ADGRE2: variants seen among roughly 807,000 people sequenced by gnomAD.
The protein encoded by ADGRE2 is adhesion G protein-coupled receptor E2, also known as CD97 antigen.
ADGRE2 carries 83 observed loss-of-function variants against 100.8 expected under a neutral mutation model. That is an observed-to-expected ratio of 0.82 (90% confidence interval 0.69 to 0.99). The LOEUF is 0.99. Among genes scored for constraint, ADGRE2 ranks in the 50% least tolerant of loss-of-function variants. The pLI, the probability that ADGRE2 is intolerant of heterozygous loss-of-function variation, is 0.00. For missense variants in ADGRE2, 814 were observed against 1,035.7 expected (o/e 0.79, Z 2.94); for synonymous variants, 355 against 413.0 (o/e 0.86, Z 1.70).
chr19:14,739,416 C>T (rs565801867), intron 20 of ADGRE2, among the ~76,000 whole-genome samples: 27 of 152,164 alleles, frequency 1.8e-4, no homozygotes, highest in African/African-American at 6.5e-4. Flanking sequence ...ATTTCAGAAG[C>T]CTTTGTTGGC....
intron 5 of ADGRE2, 141 bp downstream of exon 5, chr19:14,772,201 G>T: frequency 8.1e-7 from 1 of 1,236,752 alleles, no homozygotes; most frequent in Non-Finnish European, 1.2e-6. Flanking sequence ...TGGCGAAACA[G>T]GTACATGCAC....
In ADGRE2 at chr19:14,766,215, G is replaced by A. The variant is rs760184313; in HGVS notation, c.634+20C>T. The stretch of plus-strand genomic sequence containing the variant: ...CAGATGTTTGTGGGTCTCTGGGAAC[G>A]TGGGATCTGAGCTCTCGACCTTCAC... On this transcript the variant is annotated intron_variant, in intron 7 of 20. Transcript: ENST00000315576. The A allele has an allele frequency of 4.9e-5, 79 of 1,613,966 alleles. No individual in the cohort carries two copies. Among genetic ancestry groups the A allele is most frequent in the Non-Finnish European group, 5.8e-5 (68 of 1,180,004 alleles).
intron 16 of ADGRE2, among the ~76,000 whole-genome samples, chr19:14,750,356 A>T (rs1176926284): frequency 6.6e-6 from 1 of 151,616 alleles, no homozygotes; most frequent in Non-Finnish European, 1.5e-5. Context: ...ATTTGACAAA[A>T]TCAAACACTC....
chr19:14,761,417 A>AACG lies in ADGRE2; in HGVS notation c.1084+3015_1084+3016insCGT, dbSNP rs199636706. Among the ~76,000 whole-genome samples the AACG allele has an allele frequency of 8.8e-3, 1,331 of 150,752 alleles. 23 individuals carry two copies. The highest frequency in any genetic ancestry group is 0.032 in the African/African-American group (1,279 of 40,202). ...CAAGACTCTGTCTCCAACAGAAGAC[A>AACG]ACAACAACAACAATCACAACAAGCT... On this transcript the variant is annotated intron_variant, in intron 11 of 20. Coordinates refer to ENST00000315576, the MANE Select transcript of ADGRE2 (RefSeq NM_013447.4).
chr19:14,755,149 G>A (rs1267174705), intron 13 of ADGRE2, 22 bp from the exon 14 acceptor site: 17 of 1,608,440 alleles, frequency 1.1e-5, no homozygotes, highest in East Asian at 2.2e-5. Context: ...GAACACAGGT[G>A]TGGGCTGGGC....
rs114542154 is a variant in ADGRE2 at position 14,753,177 on chromosome 19, A to G, written c.1591-651T>C. Among the ~76,000 whole-genome samples the G allele has an allele frequency of 3.7e-3, 568 of 151,998 alleles. 5 individuals carry two copies. The highest frequency in any genetic ancestry group is 0.013 in the African/African-American group (543 of 41,446). ...CCCGTTTCAGCCTCCCAAAGCACAG[A>G]GATTCCAGGTGTGGGCCCGTTAGGT... is the stretch of plus-strand genomic sequence containing the variant. On this transcript the variant is annotated intron_variant, in intron 14 of 20. Coordinates refer to ENST00000315576, the MANE Select transcript of ADGRE2 (RefSeq NM_013447.4).
At chr19:14,725,193 A>G in the ADGRE2 span, among the ~76,000 whole-genome samples, 10 of 152,238 alleles carry the variant, frequency 6.6e-5, no homozygotes, top group East Asian at 1.9e-3. Flanking sequence ...TTAAACAACC[A>G]GATCTCGCAT....
chr19:14,759,833 T>A (rs1367363738), intron 11 of ADGRE2, among the ~76,000 whole-genome samples: 7 of 145,936 alleles, frequency 4.8e-5, no homozygotes, highest in Non-Finnish European at 1.1e-4. Flanking sequence ...TTTTTTTTTT[T>A]TTTGAGACGG....
chr19:14,777,674 G>A lies in ADGRE2; in HGVS notation c.-172+583C>T, dbSNP rs553491916. ...CCCACCCCCCGACAGGCCCCAGTGTGTGATGTTTCCCGCCCTGTGTCCAGG... is the reference window on the plus strand; with the variant it reads ...CCCACCCCCCGACAGGCCCCAGTGTATGATGTTTCCCGCCCTGTGTCCAGG... On this transcript the variant is annotated intron_variant, in intron 1 of 20. Transcript: ENST00000315576. Among the ~76,000 whole-genome samples the A allele has an allele frequency of 3.2e-3, 475 of 146,628 alleles. 1 individual carries two copies. Among genetic ancestry groups the A allele is most frequent in the Middle Eastern group, 0.021 (6 of 284 alleles).
At chr19:14,769,221 C>T (rs2044103849) in intron 5 of ADGRE2, among the ~76,000 whole-genome samples, 1 of 151,980 alleles carries the variant, frequency 6.6e-6, no homozygotes, top group Non-Finnish European at 1.5e-5. Flanking sequence ...GAGACACCCC[C>T]CCCCCATCTT....
intron 5 of ADGRE2, 91 bp from the exon 6 acceptor site, chr19:14,767,200 C>G (rs1336720123): frequency 4.0e-5 from 63 of 1,563,534 alleles, no homozygotes; most frequent in Non-Finnish European, 5.5e-5. Context: ...ACGGAAGCAT[C>G]TGGAAGGCAC....
chr19:14,726,369 G>T, the ADGRE2 span, among the ~76,000 whole-genome samples: 1 of 152,124 alleles, frequency 6.6e-6, no homozygotes, highest in Non-Finnish European at 1.5e-5. Context: ...CTTTTGTCTT[G>T]GATCTTAGCA....
chr19:14,746,979 T>A lies in ADGRE2; in HGVS notation c.2025-17A>T, dbSNP rs1016953564. The A allele has an allele frequency of 6.3e-7, 1 of 1,587,126 alleles. No individual in the cohort carries two copies. Among genetic ancestry groups the A allele is most frequent in the Non-Finnish European group, 8.6e-7 (1 of 1,159,706 alleles). On this transcript the variant is annotated splice_polypyrimidine_tract_variant and intron_variant, in intron 16 of 20. Transcript: ENST00000315576. ...AGCCAGCAGCTGAAAAAAGAGAGAT[T>A]AAAAAAAATGCATCAGTTTTTGGAG...
intron 20 of ADGRE2, among the ~76,000 whole-genome samples, chr19:14,738,969 C>CTTTTTTTTTTTTT (rs68029679): frequency 9.5e-6 from 1 of 104,912 alleles, no homozygotes; most frequent in Non-Finnish European, 2.1e-5. Context: ...CTTTTCTTTT[C>CTTTTTTTTTTTTT]TTTTTTTTTT....
rs1762972474 is a variant in ADGRE2, at chr19:14,776,794, A to G, written c.-38T>C. On this transcript the variant is annotated 5_prime_UTR_variant, in exon 2 of 21. Coordinates refer to ENST00000315576, the MANE Select transcript of ADGRE2 (RefSeq NM_013447.4). ...GCTGCCGGCAGGAGCAGCAGGGGAA[A>G]GAGTGAGTGGGACAGGGCTGTCCCG... The G allele has an allele frequency of 6.2e-7, 1 of 1,612,146 alleles. No individual in the cohort carries two copies. Among genetic ancestry groups the G allele is most frequent in the South Asian group, 1.1e-5 (1 of 90,636 alleles).
intron 4 of ADGRE2, 74 bp downstream of exon 4, chr19:14,773,864 C>T: frequency 2.9e-6 from 4 of 1,372,154 alleles, no homozygotes; most frequent in Non-Finnish European, 3.1e-6. Flanking sequence ...TCACAACAAC[C>T]TCTGTCCCCC....
At chr19:14,766,739 G>A (rs2043993257) in intron 6 of ADGRE2, among the ~76,000 whole-genome samples, 1 of 152,218 alleles carries the variant, frequency 6.6e-6, no homozygotes, top group Non-Finnish European at 1.5e-5. Context: ...CGTGACAGAT[G>A]AGGAAGGGGT....
chr19:14,757,689 A>G (rs556387191), intron 11 of ADGRE2, among the ~76,000 whole-genome samples: 9 of 152,356 alleles, frequency 5.9e-5, no homozygotes, highest in African/African-American at 1.9e-4. Flanking sequence ...CCCTCACACA[A>G]CAAACAAAAA....
At chr19:14,738,623 C>T (rs887529338) in intron 20 of ADGRE2, among the ~76,000 whole-genome samples, 2 of 152,074 alleles carry the variant, frequency 1.3e-5, no homozygotes, top group South Asian at 2.1e-4. Flanking sequence ...AGTGATCTGC[C>T]TGCCTCGGCC....
Sources: allele counts gnomAD v4.1 joint callset (sites outside exome capture counted in the v4.1 genomes callset), GRCh38; gene constraint gnomAD v4.1.1; transcripts MANE v1.5; gene names NCBI Gene and HGNC (gene_info 2026-07-23, HGNC 2026-07-21).